Variants in INPP4B observed in about 807,000 individuals in gnomAD.
The protein encoded by INPP4B is inositol polyphosphate-4-phosphatase type II B.
In INPP4B, 55 loss-of-function variants were observed where a neutral mutation model predicts 122.5. The observed-to-expected ratio is 0.45, with a 90% CI of 0.36 to 0.56. INPP4B has a LOEUF of 0.56. Ranked by LOEUF, INPP4B falls within the 20% of genes least tolerant of loss-of-function variation. The pLI, the probability that INPP4B is intolerant of heterozygous loss-of-function variation, is 0.00. For synonymous variants in INPP4B, 403 were observed against 388.7 expected, an observed-to-expected ratio of 1.04 and a Z score of -0.43; for missense variants, 1,000 against 1,097.7, an observed-to-expected ratio of 0.91 and a Z score of 1.26.
At chr4:142,836,807 T>TATATTA (rs1393698521) in intron 1 of INPP4B, among the ~76,000 whole-genome samples, 1 of 152,180 alleles carries the variant, frequency 6.6e-6, no homozygotes, top group African/African-American at 2.4e-5. Context: ...TTAAAAAATA[T>TATATTA]ATATTAATAA....
intron 3 of INPP4B, among the ~76,000 whole-genome samples, chr4:142,434,107 A>AC (rs1397080537): frequency 6.6e-6 from 1 of 152,174 alleles, no homozygotes; most frequent in Non-Finnish European, 1.5e-5. Flanking sequence ...GAGACGTGAT[A>AC]TTTTTTAGTC....
intron 2 of INPP4B, among the ~76,000 whole-genome samples, chr4:142,613,936 A>T (rs1010164450): frequency 6.6e-6 from 1 of 152,220 alleles, no homozygotes; most frequent in African/African-American, 2.4e-5. Context: ...CTTCCACTGC[A>T]TCCCACCATG....
intron 2 of INPP4B, among the ~76,000 whole-genome samples, chr4:142,516,674 C>T (rs1825450732): frequency 6.6e-6 from 1 of 152,144 alleles, no homozygotes; most frequent in East Asian, 1.9e-4. Flanking sequence ...CCCTTTGGAT[C>T]CACACATTGC....
At chr4:142,245,671 C>A (rs1005412363) in intron 11 of INPP4B, among the ~76,000 whole-genome samples, 9 of 151,836 alleles carry the variant, frequency 5.9e-5, no homozygotes, top group African/African-American at 2.2e-4. Context: ...GTACCTGCTC[C>A]TCTTTGCTTG....
chr4:142,759,884 A>G lies in INPP4B; in HGVS notation c.-253-33983T>C, dbSNP rs77532961. Among the ~76,000 whole-genome samples, 904 of 149,752 alleles carry G rather than the reference A, an allele frequency of 6.0e-3. 11 individuals carry two copies. Among genetic ancestry groups the G allele is most frequent in the East Asian group, 0.04 (208 of 5,142 alleles). ...TTGCCCTGTGAAGCAATTCTGGTACATACTTAGATAATAAGAAACAAAAAA... is the reference window on the plus strand; with the variant it reads ...TTGCCCTGTGAAGCAATTCTGGTACGTACTTAGATAATAAGAAACAAAAAA... On this transcript the variant is annotated intron_variant, in intron 1 of 25. Transcript: ENST00000262992.
rs184098264 is a variant in INPP4B, at chr4:142,395,929, G to A, written c.372+7009C>T. On this transcript the variant is annotated intron_variant, in intron 7 of 25. Transcript: ENST00000262992. ...AAAATGAGGAGTTGCTAATTAATTA[G>A]TATAAAGTCCCAATTATGCAAGAAG... is the stretch of plus-strand genomic sequence containing the variant. Among the ~76,000 whole-genome samples the A allele has an allele frequency of 4.2e-3, 636 of 152,216 alleles. 4 individuals carry two copies. Among genetic ancestry groups the A allele is most frequent in the African/African-American group, 0.015 (622 of 41,554 alleles).
At chr4:142,124,506 A>G (rs1016945435) in intron 19 of INPP4B, 82 bp downstream of exon 19, 1 of 1,266,066 alleles carries the variant, frequency 7.9e-7, no homozygotes, top group Admixed American at 2.0e-5. Context: ...AAGCTGTCCC[A>G]ATAAGAATTC....
Position 142,202,504 on chromosome 4 carries a change from C to T in INPP4B, c.1072+5921G>A, listed in dbSNP as rs868097299. Among the ~76,000 whole-genome samples, 3 of 152,026 alleles carry T rather than the reference C, an allele frequency of 2.0e-5. No homozygotes were observed. In the South Asian group the frequency reaches 6.2e-4, roughly 32 times the overall value. ...ATACATCTAACATAATTATGCTTCACTGATGAGGTGATACTCTCACATTCT... is the reference window on the plus strand; with the variant it reads ...ATACATCTAACATAATTATGCTTCATTGATGAGGTGATACTCTCACATTCT... On this transcript the variant is annotated intron_variant, in intron 14 of 25. Coordinates refer to ENST00000262992, the MANE Select transcript of INPP4B (RefSeq NM_001101669.3).
At chr4:142,255,722 C>G (rs1306461988) in intron 11 of INPP4B, among the ~76,000 whole-genome samples, 1 of 152,134 alleles carries the variant, frequency 6.6e-6, no homozygotes, top group Non-Finnish European at 1.5e-5. Flanking sequence ...GAGTGACCTA[C>G]AAAGAGACTT....
At position 142,245,777 on chromosome 4, in the gene INPP4B, T is replaced by C. The variant is rs1422523170; in HGVS notation, c.689-7766A>G. The stretch of plus-strand genomic sequence containing the variant: ...TCATATATATGTATATGTGTGTATA[T>C]ATATATGTGTGTATGTATACATATA... On this transcript the variant is annotated intron_variant, in intron 11 of 25. Transcript: ENST00000262992. Among the ~76,000 whole-genome samples the C allele has an allele frequency of 1.7e-3, 238 of 140,808 alleles. 1 individual carries two copies. The highest frequency in any genetic ancestry group is 7.1e-3 in the African/African-American group (233 of 32,830). 92.4% of individuals were successfully genotyped at this position (140,808 alleles called of 152,430 possible).
chr4:142,118,742 T>A (rs1795060398), intron 21 of INPP4B, among the ~76,000 whole-genome samples: 2 of 152,136 alleles, frequency 1.3e-5, no homozygotes, highest in Admixed American at 1.3e-4. Flanking sequence ...GGGCAAGGAC[T>A]TCATGACTAA....
chr4:142,566,787 G>T (rs1161691651), intron 2 of INPP4B, among the ~76,000 whole-genome samples: 2 of 152,178 alleles, frequency 1.3e-5, no homozygotes, highest in Non-Finnish European at 2.9e-5. Context: ...AGGTTGAAAA[G>T]AACTGTAAAC....
intron 2 of INPP4B, among the ~76,000 whole-genome samples, chr4:142,718,472 G>A (rs1764096301): frequency 6.6e-6 from 1 of 152,176 alleles, no homozygotes; most frequent in Admixed American, 6.5e-5. Flanking sequence ...AGAGAGTTAA[G>A]TATGGGAAGC....
At chr4:142,534,471 C>G (rs59756917) in intron 2 of INPP4B, among the ~76,000 whole-genome samples, 3,016 of 151,996 alleles carry the variant, frequency 0.02, 89 homozygotes, top group African/African-American at 0.066. Context: ...CACAGAAACA[C>G]GGGCCATCTT....
chr4:142,641,368 C>T (rs961902791), intron 2 of INPP4B, among the ~76,000 whole-genome samples: 7 of 152,062 alleles, frequency 4.6e-5, no homozygotes, highest in South Asian at 4.2e-4. Flanking sequence ...GTGCTGCACC[C>T]ATTAACTCGT....
intron 2 of INPP4B, among the ~76,000 whole-genome samples, chr4:142,547,284 T>C (rs1198144025): frequency 6.6e-6 from 1 of 152,090 alleles, no homozygotes; most frequent in East Asian, 1.9e-4. Flanking sequence ...CTAAGTATGC[T>C]ACTGAGATTT....
At chr4:142,069,032 C>T (rs1227772919) in intron 25 of INPP4B, among the ~76,000 whole-genome samples, 10 of 152,316 alleles carry the variant, frequency 6.6e-5, no homozygotes, top group African/African-American at 2.4e-4. Context: ...AATATACATT[C>T]TTCTCAGCAC....
intron 2 of INPP4B, among the ~76,000 whole-genome samples, chr4:142,715,383 T>A (rs114788560): frequency 0.043 from 6,498 of 152,306 alleles, 173 homozygotes; most frequent in Middle Eastern, 0.092. Context: ...CAAATTCAAA[T>A]AATCACATGT....
At chr4:142,494,492 T>C (rs1011241521) in intron 2 of INPP4B, among the ~76,000 whole-genome samples, 2 of 152,192 alleles carry the variant, frequency 1.3e-5, no homozygotes, top group African/African-American at 4.8e-5. Context: ...TAGCAGAACC[T>C]ACTTTAGCTT....
Sources: gnomAD v4.1 joint callset for allele counts (sites outside exome capture counted in the v4.1 genomes callset) on GRCh38, gnomAD v4.1.1 for gene constraint, MANE v1.5 for transcripts, NCBI Gene and HGNC (gene_info 2026-07-23, HGNC 2026-07-21) for gene names.